Variants in COL4A5 observed in about 807,000 individuals in gnomAD.
COL4A5 encodes the protein collagen type IV alpha 5 chain.
A neutral mutation model predicts 130.2 loss-of-function variants in COL4A5; 26 were observed. The ratio of observed to expected loss-of-function variants is 0.20; its 90% CI spans 0.15 to 0.28. The LOEUF is 0.28. Among genes scored for constraint, COL4A5 ranks in the 10% least tolerant of loss-of-function variants. COL4A5 has a pLI of 1.00. For missense variants in COL4A5, 1,131 were observed against 1,344.3 expected (o/e 0.84, Z 2.48); for synonymous variants, 496 against 439.6 (o/e 1.13, Z -1.60).
intron 1 of COL4A5, among the ~76,000 whole-genome samples, chrX:108,498,881 T>A (rs2065055753): frequency 9.0e-6 from 1 of 111,304 alleles, no homozygotes; most frequent in South Asian, 3.7e-4. Flanking sequence ...ATTTACTTGT[T>A]TAAATTTTAT....
intron 1 of COL4A5, among the ~76,000 whole-genome samples, chrX:108,536,742 A>G (rs1200131524): frequency 9.0e-6 from 1 of 111,233 alleles, no homozygotes; most frequent in African/African-American, 3.3e-5. Flanking sequence ...TGACTATACC[A>G]CTCATTTTTA....
intron 2 of COL4A5, among the ~76,000 whole-genome samples, chrX:108,544,627 T>C (rs754067946): frequency 1.8e-5 from 2 of 109,064 alleles, no homozygotes; most frequent in African/African-American, 7.1e-5. Flanking sequence ...CCTCATAAAA[T>C]GAGTTAGGGA....
At chrX:108,471,568 G>T (rs149477654) in intron 1 of COL4A5, among the ~76,000 whole-genome samples, 3,356 of 111,445 alleles carry the variant, frequency 0.03, 120 homozygotes, top group African/African-American at 0.1. Flanking sequence ...TCTAAGTAAA[G>T]AATCATAGCA....
intron 1 of COL4A5, among the ~76,000 whole-genome samples, chrX:108,486,573 C>G (rs899174856): frequency 6.3e-5 from 7 of 111,446 alleles, no homozygotes; most frequent in African/African-American, 2.3e-4. Flanking sequence ...ACACCCCTCC[C>G]ACCCTTTCCC....
chrX:108,583,059 C>A, intron 17 of COL4A5, 122 bp downstream of exon 17: 1 of 560,531 alleles, frequency 1.8e-6, no homozygotes, highest in Non-Finnish European at 3.1e-6. Flanking sequence ...TCAAAATATG[C>A]CTTCTTTATT....
chrX:108,471,016 G>A (rs2064763119), intron 1 of COL4A5, among the ~76,000 whole-genome samples: 1 of 111,478 alleles, frequency 9.0e-6, no homozygotes, highest in Non-Finnish European at 1.9e-5. Context: ...GTCTGTTTTT[G>A]TACCAGTACC....
chrX:108,592,010 C>T (rs1218734011), intron 21 of COL4A5, among the ~76,000 whole-genome samples: 2 of 111,670 alleles, frequency 1.8e-5, no homozygotes, highest in Non-Finnish European at 3.8e-5. Context: ...GATTCCTTTG[C>T]CCTTCTCTCA....
In COL4A5 at chrX:108,696,508, T is replaced by C. The variant is rs1193739294; in HGVS notation, c.*130T>C. The C allele has an allele frequency of 2.3e-5, 11 of 477,016 alleles. No homozygotes were observed. The highest frequency in any genetic ancestry group is 4.0e-5 in the Non-Finnish European group (11 of 276,994). The allele number at this position is 477,016 out of a possible 1,213,427, so 39.3% of individuals were successfully genotyped here. A position where few individuals can be genotyped will look rare whatever the true frequency, so the allele number is the denominator to read the frequency against. ...ATGGTGCTACTATATATGATCAAGA[T>C]AACATGCTGACTAGTAACCATGAAG... On this transcript the variant is annotated 3_prime_UTR_variant, in exon 53 of 53. Transcript: ENST00000328300.
intron 1 of COL4A5, among the ~76,000 whole-genome samples, chrX:108,441,166 G>A (rs948361559): frequency 1.8e-5 from 2 of 112,213 alleles, no homozygotes; most frequent in African/African-American, 6.5e-5. Flanking sequence ...GAATGGCTTT[G>A]TGAGAGAAAA....
chrX:108,632,741 T>A (rs1347426988), intron 36 of COL4A5, among the ~76,000 whole-genome samples: 1 of 111,772 alleles, frequency 8.9e-6, no homozygotes, highest in Admixed American at 9.5e-5. Context: ...CACATGATTA[T>A]CTCAATAGAT....
At chrX:108,480,065 G>T (rs1158093083) in intron 1 of COL4A5, among the ~76,000 whole-genome samples, 1 of 111,778 alleles carries the variant, frequency 8.9e-6, no homozygotes, top group Non-Finnish European at 1.9e-5. Context: ...AGAGCAGCTT[G>T]CAGGGCAGCC....
At chrX:108,539,908 A>G in intron 2 of COL4A5, 103 bp downstream of exon 2, 1 of 625,353 alleles carries the variant, frequency 1.6e-6, no homozygotes, top group Non-Finnish European at 2.6e-6. Flanking sequence ...GTACTTAAGT[A>G]AGTGAAATGA....
intron 1 of COL4A5, among the ~76,000 whole-genome samples, chrX:108,460,583 G>A (rs1412233886): frequency 9.3e-6 from 1 of 107,551 alleles, no homozygotes; most frequent in Non-Finnish European, 1.9e-5. Flanking sequence ...TCTGCCTCCC[G>A]GATTCAAGCA....
chrX:108,695,876 A>G (rs1471237735), intron 52 of COL4A5: 1 of 215,835 alleles, frequency 4.6e-6, no homozygotes, highest in Admixed American at 6.8e-5. Flanking sequence ...AGGATACTTC[A>G]TTCTGTTGAT....
chrX:108,685,610 C>T (rs2068527984), intron 47 of COL4A5, among the ~76,000 whole-genome samples: 1 of 112,214 alleles, frequency 8.9e-6, no homozygotes, highest in Non-Finnish European at 1.9e-5. Context: ...TCTAGCTGGC[C>T]ATTTGACTCT....
intron 36 of COL4A5, among the ~76,000 whole-genome samples, chrX:108,644,873 C>T (rs1223580839): frequency 9.7e-6 from 1 of 102,975 alleles, no homozygotes; most frequent in African/African-American, 3.5e-5. Context: ...GCACTCCAGC[C>T]TGGGTGACAG....
rs1473348298 is a variant in COL4A5 at position 108,681,012 on chromosome X, T to G, written c.4087+56T>G. ...TGATACTTAGATGCTTTAAAGAATT[T>G]GAAAGTTTTCATTCTGTCTTTCAGC... On this transcript the variant is annotated intron_variant, in intron 46 of 52. Transcript: ENST00000328300. 3 of 1,067,457 alleles carry G rather than the reference T, an allele frequency of 2.8e-6. No individual in the cohort carries two copies. In the East Asian group the frequency reaches 9.1e-5, roughly 32 times the overall value. 88.0% of individuals were successfully genotyped at this position (1,067,457 alleles called of 1,213,427 possible).
chrX:108,440,380 T>TAGAA, intron 1 of COL4A5, 174 bp downstream of exon 1: 1 of 453,897 alleles, frequency 2.2e-6, no homozygotes, highest in Non-Finnish European at 3.9e-6. Context: ...TCAAGCCTTC[T>TAGAA]GAAGTCCAAC....
chrX:108,475,902 T>G (rs760545741), intron 1 of COL4A5, among the ~76,000 whole-genome samples: 1 of 112,041 alleles, frequency 8.9e-6, no homozygotes, highest in African/African-American at 3.2e-5. Context: ...CCTCTCTAAA[T>G]TCTGATTTTC....
Sources: allele counts gnomAD v4.1 joint callset (sites outside exome capture counted in the v4.1 genomes callset), GRCh38; gene constraint gnomAD v4.1.1; transcripts MANE v1.5; gene names NCBI Gene and HGNC (gene_info 2026-07-23, HGNC 2026-07-21).